Variants in PLPPR5 observed in about 807,000 individuals in gnomAD.
PLPPR5 encodes phospholipid phosphatase-related protein type 5.
In PLPPR5, 16 loss-of-function variants were observed where a neutral mutation model predicts 33.9. The observed-to-expected ratio is 0.47, with a 90% CI of 0.32 to 0.72. The LOEUF (loss-of-function observed/expected upper bound fraction) is 0.72. Ranked by LOEUF, PLPPR5 falls within the 30% of genes least tolerant of loss-of-function variation. The pLI, the probability that PLPPR5 is intolerant of heterozygous loss-of-function variation, is 0.03. For synonymous variants in PLPPR5, 163 were observed against 150.3 expected (o/e 1.08, Z -0.62); for missense variants, 301 against 406.7 (o/e 0.74, Z 2.23).
At chr1:98,985,247 G>T in intron 1 of PLPPR5, among the ~76,000 whole-genome samples, 1 of 151,958 alleles carries the variant, frequency 6.6e-6, no homozygotes, top group East Asian at 1.9e-4. Flanking sequence ...GTTCCTCTGG[G>T]ATGATCTGTC....
At chr1:98,945,896 C>A (rs1406320355) in intron 3 of PLPPR5, among the ~76,000 whole-genome samples, 1 of 152,178 alleles carries the variant, frequency 6.6e-6, no homozygotes, top group Non-Finnish European at 1.5e-5. Context: ...TCTGACTTGC[C>A]TATTCCTGTG....
intron 1 of PLPPR5, chr1:98,990,885 A>G (rs1017766070): frequency 5.3e-5 from 8 of 152,144 alleles, no homozygotes; most frequent in Non-Finnish European, 1.0e-4. Flanking sequence ...TATTTTTTTA[A>G]ATACACAAAT....
chr1:98,911,786 T>A (rs901515296), intron 5 of PLPPR5, among the ~76,000 whole-genome samples: 4 of 152,052 alleles, frequency 2.6e-5, no homozygotes, highest in Non-Finnish European at 5.9e-5. Context: ...CAGGGATGGG[T>A]TCTCCATCTG....
intron 1 of PLPPR5, among the ~76,000 whole-genome samples, chr1:98,977,697 T>C (rs952656867): frequency 1.8e-4 from 28 of 151,610 alleles, no homozygotes; most frequent in African/African-American, 6.5e-4. Context: ...TGGTATGTTT[T>C]TATTCAGGTT....
chr1:98,935,823 C>T (rs894876111), intron 3 of PLPPR5, among the ~76,000 whole-genome samples: 2 of 152,164 alleles, frequency 1.3e-5, no homozygotes, highest in African/African-American at 2.4e-5. Flanking sequence ...TGCTTTATGC[C>T]ATGGCCATGT....
chr1:98,945,383 C>T (rs1403069535), intron 3 of PLPPR5, among the ~76,000 whole-genome samples: 1 of 152,186 alleles, frequency 6.6e-6, no homozygotes, highest in Non-Finnish European at 1.5e-5. Context: ...TATTATGCAT[C>T]ATTTAATTAA....
chr1:98,985,142 G>A (rs936787434), intron 1 of PLPPR5, among the ~76,000 whole-genome samples: 6 of 151,970 alleles, frequency 3.9e-5, no homozygotes, highest in Admixed American at 6.6e-5. Flanking sequence ...AATAGATGAC[G>A]GCTGTCTAGG....
intron 1 of PLPPR5, among the ~76,000 whole-genome samples, chr1:98,997,659 A>C (rs972502806): frequency 1.3e-5 from 2 of 152,290 alleles, no homozygotes; most frequent in Non-Finnish European, 2.9e-5. Context: ...AATCAGGAAA[A>C]AAAGTATAAA....
chr1:98,932,020 T>G (rs1371459398), intron 3 of PLPPR5, among the ~76,000 whole-genome samples: 2 of 152,118 alleles, frequency 1.3e-5, no homozygotes, highest in African/African-American at 2.4e-5. Flanking sequence ...GAGTTTGAAC[T>G]GGGTGAGGTC....
intron 5 of PLPPR5, among the ~76,000 whole-genome samples, chr1:98,897,664 C>T (rs1648528861): frequency 6.6e-6 from 1 of 152,128 alleles, no homozygotes; most frequent in African/African-American, 2.4e-5. Flanking sequence ...ATGTCTCTGA[C>T]TCTGTTGCTG....
At chr1:98,972,072 CAAACGA>C (rs1191894411) in intron 1 of PLPPR5, among the ~76,000 whole-genome samples, 1 of 152,004 alleles carries the variant, frequency 6.6e-6, no homozygotes, top group Non-Finnish European at 1.5e-5. Flanking sequence ...GTGTTGGGCC[CAAACGA>C]ACCCTCAATG....
chr1:98,919,287 T>G (rs1246294562), intron 4 of PLPPR5, among the ~76,000 whole-genome samples: 1 of 152,142 alleles, frequency 6.6e-6, no homozygotes, highest in African/African-American at 2.4e-5. Context: ...ATCACTGGTG[T>G]GTGGAATGAA....
At chr1:98,987,580 CT>C (rs1652302589) in intron 1 of PLPPR5, among the ~76,000 whole-genome samples, 1 of 151,730 alleles carries the variant, frequency 6.6e-6, no homozygotes, top group South Asian at 2.1e-4. Flanking sequence ...TTCTGAAAGC[CT>C]TTTGCAAGCA....
intron 4 of PLPPR5, among the ~76,000 whole-genome samples, chr1:98,920,230 G>C (rs1649495708): frequency 6.6e-6 from 1 of 152,050 alleles, no homozygotes; most frequent in African/African-American, 2.4e-5. Context: ...GAAGTATAGG[G>C]AAGGTGGCAA....
intron 1 of PLPPR5, among the ~76,000 whole-genome samples, chr1:98,984,644 A>AAAG (rs1652189439): frequency 6.6e-6 from 1 of 152,058 alleles, no homozygotes; most frequent in Non-Finnish European, 1.5e-5. Context: ...ATTCTTTTGC[A>AAAG]AAGGTGAATA....
chr1:98,968,733 T>C (rs1042040167), intron 1 of PLPPR5, among the ~76,000 whole-genome samples: 4 of 151,610 alleles, frequency 2.6e-5, no homozygotes, highest in African/African-American at 9.7e-5. Context: ...GAAAAAAAAA[T>C]TTAAAAAATG....
Position 98,914,821 on chromosome 1 carries a change from C to T in PLPPR5, c.898G>A (p.Val300Ile). 1 of 1,613,222 alleles carries T rather than the reference C, an allele frequency of 6.2e-7. No individual in the cohort carries two copies. The highest frequency in any genetic ancestry group is 1.3e-5 in the African/African-American group (1 of 74,978). Residue 300 changes from valine to isoleucine, a missense_variant, in exon 5 of 6, where the codon GTA becomes ATA. Physicochemically the swap from Val to Ile is conservative, Grantham distance 29 (BLOSUM62 3). Transcript: ENST00000263177. ...AQMPMISIPR[V>I]ESPLEKVTSV... The stretch of plus-strand genomic sequence containing the variant: ...GTTACCTTTTCCAAAGGACTTTCTA[C>T]TCGAGGAATGCTGATCATTGGCATC...
At chr1:98,996,805 TTA>T (rs1652649806) in intron 1 of PLPPR5, among the ~76,000 whole-genome samples, 1 of 152,140 alleles carries the variant, frequency 6.6e-6, no homozygotes, top group Non-Finnish European at 1.5e-5. Context: ...GTAACTAAAC[TTA>T]TATATTAACA....
At position 98,948,121 on chromosome 1, in the gene PLPPR5, G is replaced by C. The variant is rs1650629643; in HGVS notation, c.621+4949C>G. On this transcript the variant is annotated intron_variant, in intron 3 of 5. Coordinates refer to ENST00000263177, the MANE Select transcript of PLPPR5 (RefSeq NM_001037317.2). ...AGTCTCATGAAATCACCTGCTACAAGTAAACGGACATGCACTCCCTGAATC... is the reference window on the plus strand; with the variant it reads ...AGTCTCATGAAATCACCTGCTACAACTAAACGGACATGCACTCCCTGAATC... Among the ~76,000 whole-genome samples, 3 of 152,300 alleles carry C rather than the reference G, an allele frequency of 2.0e-5. No homozygotes were observed. In the South Asian group the frequency reaches 6.2e-4, roughly 32 times the overall value.
Sources: gnomAD v4.1 joint callset for allele counts (sites outside exome capture counted in the v4.1 genomes callset) on GRCh38, gnomAD v4.1.1 for gene constraint, MANE v1.5 for transcripts, NCBI Gene and HGNC (gene_info 2026-07-23, HGNC 2026-07-21) for gene names.